Variants in FAT3 observed in about 807,000 individuals in gnomAD.
FAT3 encodes the protein FAT atypical cadherin 3.
Under a neutral mutation model 310.2 loss-of-function variants are expected in FAT3, and 95 were observed. The observed-to-expected ratio is 0.31, with a 90% confidence interval of 0.26 to 0.36. The LOEUF is 0.36. Among genes scored for constraint, FAT3 ranks in the 10% least tolerant of loss-of-function variants. The pLI, the probability that FAT3 is intolerant of heterozygous loss-of-function variation, is 1.00. For missense variants in FAT3, 5,408 were observed against 5,715.6 expected, an observed-to-expected ratio of 0.95 and a Z score of 1.74; for synonymous variants, 2,314 against 2,192.9, an observed-to-expected ratio of 1.06 and a Z score of -1.54.
In FAT3 at chr11:92,762,089, C is replaced by A. The variant is rs150159060; in HGVS notation, c.3903C>A (p.Asp1301Glu). 1 of 1,613,922 alleles carries A rather than the reference C, an allele frequency of 6.2e-7. No individual in the cohort carries two copies. Among genetic ancestry groups the A allele is most frequent in the Non-Finnish European group, 8.5e-7 (1 of 1,179,864 alleles). ...ISYSIVDGND[D>E]GKFFIDPKTG... The stretch of plus-strand genomic sequence containing the variant: ...ACAGTATTGTGGATGGGAATGATGA[C>A]GGAAAGTTCTTTATTGACCCTAAAA... Residue 1301 changes from aspartate (D) to glutamate (E), a missense_variant, in exon 5 of 28, where the codon GAC becomes GAA. Asp to Glu is a conservative substitution (Grantham distance 45). Transcript: ENST00000525166.
rs556375109 is a variant in FAT3 at position 92,352,226 on chromosome 11, C to A, written c.114C>A (p.Pro38=). 9 of 1,386,332 alleles carry A rather than the reference C, an allele frequency of 6.5e-6. No individual in the cohort carries two copies. The African/African-American group carries it at 1.3e-4, about 20-fold the overall frequency. 85.9% of individuals were successfully genotyped at this position (1,386,332 alleles called of 1,614,324 possible). A position where few individuals can be genotyped will look rare whatever the true frequency, so the allele number is the denominator to read the frequency against. The change falls in exon 2 of 28, where the codon CCC becomes CCA. Residue 38 remains proline, a synonymous_variant. Transcript: ENST00000525166. The part of the protein sequence containing the change: ...TVSQGLPGTG[P]LGFHFTHSIY... ...CCCAGGGGCTGCCAGGGACTGGACCCCTGGGCTTCCACTTCACACATTCCA... is the reference window on the plus strand; with the variant it reads ...CCCAGGGGCTGCCAGGGACTGGACCACTGGGCTTCCACTTCACACATTCCA...
intron 1 of FAT3, among the ~76,000 whole-genome samples, chr11:92,347,481 A>G (rs1315975539): frequency 6.6e-6 from 1 of 152,216 alleles, no homozygotes; most frequent in Non-Finnish European, 1.5e-5. Flanking sequence ...AGTCTCACCA[A>G]TTTAAGCAGA....
Position 92,800,342 on chromosome 11 carries a change from G to A in FAT3, c.7329G>A (p.Leu2443=). ...ILSGNDRTSF[L]MDSKSGVITL... ...CTGGGAATGACCGGACGAGCTTTCT[G>A]ATGGACAGCAAGAGTGGAGTTATCA... The change falls in exon 10 of 28, where the codon CTG becomes CTA. Residue 2443 remains leucine (L), a synonymous_variant. Coordinates refer to ENST00000525166, the MANE Select transcript of FAT3 (RefSeq NM_001367949.2). 1 of 1,613,978 alleles carries A rather than the reference G, an allele frequency of 6.2e-7. No homozygotes were observed. The highest frequency in any genetic ancestry group is 1.1e-5 in the South Asian group (1 of 91,080).
Position 92,891,887 on chromosome 11 carries a change from G to A in FAT3, c.*774G>A, listed in dbSNP as rs1287540430. 1 of 152,136 alleles carries A rather than the reference G, an allele frequency of 6.6e-6. No individual in the cohort carries two copies. Among genetic ancestry groups the A allele is most frequent in the African/African-American group, 2.4e-5 (1 of 41,434 alleles). 9.4% of individuals were successfully genotyped at this position (152,136 alleles called of 1,614,324 possible). On this transcript the variant is annotated 3_prime_UTR_variant, in exon 28 of 28. Transcript: ENST00000525166. ...AGAATGTGATTATCTGGTTGGTTTT[G>A]TGTTTTCTGGTAAATATTCCAGTTG... is the stretch of plus-strand genomic sequence containing the variant.
chr11:92,598,980 T>C (rs563436306), intron 3 of FAT3, among the ~76,000 whole-genome samples: 30 of 152,304 alleles, frequency 2.0e-4, no homozygotes, highest in African/African-American at 6.0e-4. Flanking sequence ...TTGTGCCCTT[T>C]GCTCCATGCT....
intron 2 of FAT3, among the ~76,000 whole-genome samples, chr11:92,444,304 C>T (rs962385700): frequency 6.7e-6 from 1 of 148,304 alleles, no homozygotes; most frequent in Admixed American, 6.9e-5. Flanking sequence ...ACTGAGCCCC[C>T]AGAGGTTAAG....
intron 3 of FAT3, among the ~76,000 whole-genome samples, chr11:92,613,153 C>G (rs1252982385): frequency 6.6e-6 from 1 of 152,030 alleles, no homozygotes; most frequent in African/African-American, 2.4e-5. Context: ...ATATGTGCAG[C>G]TTTTTCATTC....
At chr11:92,369,711 G>A (rs1054195814) in intron 2 of FAT3, among the ~76,000 whole-genome samples, 7 of 152,082 alleles carry the variant, frequency 4.6e-5, no homozygotes, top group African/African-American at 1.2e-4. Context: ...GCTAGGTATG[G>A]TAGCACACGC....
chr11:92,605,163 A>T (rs1307781722), intron 3 of FAT3, among the ~76,000 whole-genome samples: 1 of 152,206 alleles, frequency 6.6e-6, no homozygotes, highest in African/African-American at 2.4e-5. Context: ...CATGGATTTC[A>T]TCTTCTTTTG....
chr11:92,322,830 C>T (rs941618343), intron 1 of FAT3, among the ~76,000 whole-genome samples: 2 of 152,112 alleles, frequency 1.3e-5, no homozygotes, highest in Non-Finnish European at 1.5e-5. Flanking sequence ...CCACATCTGC[C>T]GTGACTTCCT....
At chr11:92,478,095 A>G (rs923066795) in intron 2 of FAT3, among the ~76,000 whole-genome samples, 4 of 152,216 alleles carry the variant, frequency 2.6e-5, no homozygotes, top group African/African-American at 9.6e-5. Flanking sequence ...TAGGTTAAAC[A>G]CTGGCTATGT....
chr11:92,404,122 T>C (rs923345531), intron 2 of FAT3, among the ~76,000 whole-genome samples: 4 of 152,084 alleles, frequency 2.6e-5, no homozygotes, highest in Admixed American at 6.5e-5. Context: ...ACTACAGGTT[T>C]TGGAACTTTC....
intron 3 of FAT3, among the ~76,000 whole-genome samples, chr11:92,662,682 A>G (rs997018438): frequency 6.6e-6 from 1 of 152,236 alleles, no homozygotes; most frequent in African/African-American, 2.4e-5. Flanking sequence ...CTATGCAGGA[A>G]GGGTCATGAT....
intron 3 of FAT3, among the ~76,000 whole-genome samples, chr11:92,579,569 T>C (rs1015451523): frequency 2.0e-5 from 3 of 152,090 alleles, no homozygotes; most frequent in Non-Finnish European, 2.9e-5. Flanking sequence ...ATAATTAAAT[T>C]TGGGGACAGA....
At chr11:92,269,368 G>A (rs1189648242) in intron 1 of FAT3, among the ~76,000 whole-genome samples, 2 of 152,022 alleles carry the variant, frequency 1.3e-5, no homozygotes, top group Admixed American at 1.3e-4. Context: ...GTATGTAGTG[G>A]GTCAGGTAGA....
At position 92,533,037 on chromosome 11, in the gene FAT3, CTGTT is replaced by C. The variant is rs1423022208; in HGVS notation, c.3607+8095_3607+8098del. Among the ~76,000 whole-genome samples, 15 of 152,176 alleles carry C rather than the reference CTGTT, an allele frequency of 9.9e-5. No homozygotes were observed. In the East Asian group the frequency reaches 2.3e-3, roughly 24 times the overall value. On this transcript the variant is annotated intron_variant, in intron 3 of 27. Transcript: ENST00000525166. ...TTAGACCAGTGTCCCAGACCACTAT[CTGTT>C]TGTTTTTTAAGAGACAGAGTCTCCC...
intron 1 of FAT3, among the ~76,000 whole-genome samples, chr11:92,263,144 G>A (rs1168873977): frequency 6.6e-6 from 1 of 151,946 alleles, no homozygotes; most frequent in Non-Finnish European, 1.5e-5. Context: ...CTGGAGAGTT[G>A]ACCATTTGTG....
At chr11:92,764,787 G>A (rs1946259623) in intron 5 of FAT3, 92 bp from the exon 6 acceptor site, 1 of 1,180,200 alleles carries the variant, frequency 8.5e-7, no homozygotes, top group Non-Finnish European at 1.2e-6. Flanking sequence ...TGTTGAAGAT[G>A]GACTCTTGGC....
chr11:92,758,446 C>T (rs982066623), intron 4 of FAT3, among the ~76,000 whole-genome samples: 2 of 152,154 alleles, frequency 1.3e-5, no homozygotes, highest in African/African-American at 4.8e-5. Context: ...TCCATGAAGA[C>T]AAATGGCTGT....
Sources: allele counts gnomAD v4.1 joint callset (sites outside exome capture counted in the v4.1 genomes callset), GRCh38; gene constraint gnomAD v4.1.1; transcripts MANE v1.5; gene names NCBI Gene and HGNC (gene_info 2026-07-23, HGNC 2026-07-21).